DOCK9: variants seen among roughly 807,000 people sequenced by gnomAD.
DOCK9 encodes the protein dedicator of cytokinesis protein 9.
Under a neutral mutation model 263.3 loss-of-function variants are expected in DOCK9, and 89 were observed. The observed-to-expected ratio is 0.34, with a 90% CI of 0.28 to 0.40. The LOEUF (loss-of-function observed/expected upper bound fraction) is 0.40, where lower values mean the gene tolerates loss of function less well. Ranked by LOEUF, DOCK9 falls within the 10% of genes least tolerant of loss-of-function variation. The pLI, the probability that DOCK9 is intolerant of heterozygous loss-of-function variation, is 1.00. For synonymous variants in DOCK9, 976 were observed against 973.1 expected, an observed-to-expected ratio of 1.00 and a Z score of -0.06; for missense variants, 2,140 against 2,603.4, an observed-to-expected ratio of 0.82 and a Z score of 3.87.
At chr13:99,086,294 G>A in exon 1 of DOCK9, 1 of 1,491,670 alleles carries the variant, frequency 6.7e-7, no homozygotes, top group South Asian at 1.3e-5. Context: ...GGCTTACTCA[G>A]CGCCCGGGTG....
chr13:98,813,716 C>T (rs1173940300), intron 45 of DOCK9, among the ~76,000 whole-genome samples: 1 of 151,990 alleles, frequency 6.6e-6, no homozygotes, highest in Non-Finnish European at 1.5e-5. Flanking sequence ...CTCGGCTCAC[C>T]ACAACCTCTG....
intron 46 of DOCK9, 36 bp downstream of exon 46, chr13:98,810,133 C>G (rs754660909): frequency 6.2e-7 from 1 of 1,613,160 alleles, no homozygotes; most frequent in Admixed American, 1.7e-5. Context: ...GCGTCATGCT[C>G]TCAAATAGGA....
At chr13:99,040,157 G>T (rs138913656) in intron 1 of DOCK9, among the ~76,000 whole-genome samples, 10 of 152,026 alleles carry the variant, frequency 6.6e-5, no homozygotes, top group Non-Finnish European at 1.5e-4. Context: ...CATCTCTCCC[G>T]CACCCCTACC....
In DOCK9 at chr13:98,891,926, A is replaced by G. The variant is rs1387803063; in HGVS notation, c.1710-3215T>C. Among the ~76,000 whole-genome samples the G allele has an allele frequency of 4.6e-5, 7 of 152,272 alleles. No homozygotes were observed. In the South Asian group the frequency reaches 1.5e-3, roughly 32 times the overall value. ...ATTAGACATCAAACACTCACAGGCA[A>G]TAAAGATTTTACTGCCTTTTTATGC... On this transcript the variant is annotated intron_variant, in intron 15 of 52. Transcript: ENST00000682017.
intron 18 of DOCK9, among the ~76,000 whole-genome samples, chr13:98,887,144 T>TATATATATATATATATATATATATA (rs869233120): frequency 2.6e-4 from 7 of 26,670 alleles, no homozygotes; most frequent in African/African-American, 1.3e-3. Flanking sequence ...TATATATATA[T>TATATATATATATATATATATATATA]TTTTTTTTTT....
chr13:98,882,033 A>G, intron 23 of DOCK9, 26 bp from the exon 24 acceptor site: 1 of 1,537,220 alleles, frequency 6.5e-7, no homozygotes, highest in Non-Finnish European at 8.9e-7. Flanking sequence ...GGCACAGTTC[A>G]TGTTATCCTT....
At chr13:98,796,938 A>C (rs1229908686) in intron 52 of DOCK9, among the ~76,000 whole-genome samples, 177 bp downstream of exon 52, 1 of 152,158 alleles carries the variant, frequency 6.6e-6, no homozygotes, top group Admixed American at 6.5e-5. Flanking sequence ...GCATATGGGC[A>C]ATCTGTTAGC....
upstream of DOCK9, among the ~76,000 whole-genome samples, chr13:98,979,229 T>TAGTAGTAGCAGCAGCAGC (rs1555439294): frequency 0.013 from 1,579 of 124,896 alleles, 16 homozygotes; most frequent in South Asian, 0.021. Context: ...GTAGTAGTAG[T>TAGTAGTAGCAGCAGCAGC]AGCAGCAGCG....
intron 1 of DOCK9, among the ~76,000 whole-genome samples, chr13:99,017,471 T>C (rs2141987055): frequency 6.6e-6 from 1 of 152,344 alleles, no homozygotes. Flanking sequence ...TTATGACATA[T>C]TTTAGACATC....
intron 1 of DOCK9, among the ~76,000 whole-genome samples, chr13:99,051,971 T>C (rs1444324016): frequency 3.3e-5 from 5 of 151,624 alleles, no homozygotes; most frequent in South Asian, 2.1e-4. Context: ...GAGAAATCAG[T>C]TGGCTTTTTG....
At chr13:99,057,511 C>A (rs983951081) in intron 1 of DOCK9, among the ~76,000 whole-genome samples, 8 of 152,152 alleles carry the variant, frequency 5.3e-5, no homozygotes, top group Non-Finnish European at 1.2e-4. Flanking sequence ...TCAGGGACAA[C>A]CTTGCATTTG....
upstream of DOCK9, among the ~76,000 whole-genome samples, chr13:98,979,587 A>T (rs577097600): frequency 1.3e-4 from 20 of 152,338 alleles, no homozygotes; most frequent in African/African-American, 4.6e-4. Context: ...CAAAGGATCA[A>T]TGAGTCCATC....
intron 15 of DOCK9, among the ~76,000 whole-genome samples, chr13:98,892,532 T>C (rs1428286050): frequency 1.3e-5 from 2 of 152,184 alleles, no homozygotes; most frequent in Admixed American, 1.3e-4. Flanking sequence ...TGAAAGAAAT[T>C]TGAGATATTT....
At chr13:98,976,583 T>C (rs1006993047) in intron 1 of DOCK9, among the ~76,000 whole-genome samples, 3 of 152,208 alleles carry the variant, frequency 2.0e-5, no homozygotes, top group Non-Finnish European at 4.4e-5. Context: ...ATACAGCCTG[T>C]GAGCAACCCA....
upstream of DOCK9, among the ~76,000 whole-genome samples, chr13:98,979,444 T>G (rs1595808073): frequency 6.6e-6 from 1 of 151,984 alleles, no homozygotes; most frequent in African/African-American, 2.4e-5. Context: ...TGCCACCCAG[T>G]CCTCGCACAG....
intron 35 of DOCK9, among the ~76,000 whole-genome samples, chr13:98,850,713 T>A (rs1002645051): frequency 3.9e-5 from 6 of 152,206 alleles, no homozygotes; most frequent in African/African-American, 1.4e-4. Context: ...TGAACATCCT[T>A]TTATGTGGGT....
intron 39 of DOCK9, among the ~76,000 whole-genome samples, chr13:98,836,377 A>C (rs547291712): frequency 6.6e-6 from 1 of 152,342 alleles, no homozygotes; most frequent in East Asian, 1.9e-4. Context: ...AAAAATACCC[A>C]AAAGAAAAGA....
intron 1 of DOCK9, among the ~76,000 whole-genome samples, chr13:99,054,788 G>A (rs1453420388): frequency 6.6e-6 from 1 of 152,218 alleles, no homozygotes; most frequent in Non-Finnish European, 1.5e-5. Context: ...CCATCAGGCT[G>A]AAGTTAAGGG....
chr13:98,966,937 C>T (rs923631920), intron 1 of DOCK9, among the ~76,000 whole-genome samples: 4 of 152,222 alleles, frequency 2.6e-5, no homozygotes, highest in African/African-American at 7.2e-5. Context: ...GTTAGAAATA[C>T]ACATTCACCC....
Sources: allele counts gnomAD v4.1 joint callset (sites outside exome capture counted in the v4.1 genomes callset), GRCh38; gene constraint gnomAD v4.1.1; transcripts MANE v1.5; gene names NCBI Gene and HGNC (gene_info 2026-07-23, HGNC 2026-07-21).